Variants in ASIC2 observed in about 807,000 individuals in gnomAD.
ASIC2 encodes acid sensing ion channel subunit 2, also known as acid-sensing ion channel 2.
ASIC2 carries 25 observed loss-of-function variants against 57.3 expected under a neutral mutation model. The observed-to-expected ratio is 0.44, with a 90% CI of 0.32 to 0.61. The LOEUF (loss-of-function observed/expected upper bound fraction) is 0.61, where lower values mean the gene tolerates loss of function less well. Ranked by LOEUF, ASIC2 falls within the 20% of genes least tolerant of loss-of-function variation. The pLI is 0.06. For synonymous variants in ASIC2, 319 were observed against 307.5 expected (o/e 1.04, Z -0.39); for missense variants, 641 against 738.1 (o/e 0.87, Z 1.52).
At chr17:33,951,834 T>C (rs543662200) in intron 1 of ASIC2, among the ~76,000 whole-genome samples, 4 of 151,852 alleles carry the variant, frequency 2.6e-5, no homozygotes, top group Non-Finnish European at 5.9e-5. Context: ...CCTTAAGTTA[T>C]CCACCCGTCT....
chr17:33,409,146 C>T (rs540604104), intron 1 of ASIC2, among the ~76,000 whole-genome samples: 29 of 152,198 alleles, frequency 1.9e-4, no homozygotes, highest in Non-Finnish European at 3.2e-4. Flanking sequence ...GCCTGGGAGG[C>T]AGAGGTTGTA....
rs562083675 is a variant in ASIC2, at chr17:33,930,882, G to A, written c.555+225096C>T. ...TTACAACTCCCTTGTTTCTTTGGCT[G>A]CCTAGTGCAGATTTATTTATTTGTT... On this transcript the variant is annotated intron_variant, in intron 1 of 9. Coordinates refer to the ASIC2 transcript ENST00000359872. Among the ~76,000 whole-genome samples, 6 of 152,246 alleles carry A rather than the reference G, an allele frequency of 3.9e-5. No homozygotes were observed. The East Asian group carries it at 1.2e-3, about 29-fold the overall frequency.
In ASIC2 at chr17:33,568,256, T is replaced by C. The variant is rs139724642; in HGVS notation, c.556-456189A>G. The stretch of plus-strand genomic sequence containing the variant: ...GTGATAGCTTGTTCCCACTGGGTTA[T>C]GTCAAATTGACCAATCAATCACCAA... On this transcript the variant is annotated intron_variant, in intron 1 of 9. Transcript: ENST00000359872. 4.6e-5 allele frequency among the ~76,000 whole-genome samples: 7 copies of C among 152,340 alleles called. 1 individual carries two copies. The highest frequency in any genetic ancestry group is 2.1e-4 in the South Asian group (1 of 4,826).
At chr17:33,451,583 A>T (rs985426656) in intron 1 of ASIC2, among the ~76,000 whole-genome samples, 1 of 152,148 alleles carries the variant, frequency 6.6e-6, no homozygotes, top group Non-Finnish European at 1.5e-5. Context: ...CCAACTATCC[A>T]GTCCTGTGAA....
chr17:33,305,113 G>A (rs910523792), intron 1 of ASIC2, among the ~76,000 whole-genome samples: 1 of 152,162 alleles, frequency 6.6e-6, no homozygotes, highest in African/African-American at 2.4e-5. Flanking sequence ...AACGTGGCAG[G>A]CATGGTGCTA....
intron 1 of ASIC2, among the ~76,000 whole-genome samples, chr17:33,883,694 T>G (rs971038682): frequency 2.0e-5 from 3 of 152,142 alleles, no homozygotes; most frequent in Non-Finnish European, 4.4e-5. Flanking sequence ...AGAACAAGAC[T>G]CAAGGCTTAA....
intron 1 of ASIC2, among the ~76,000 whole-genome samples, chr17:33,145,613 T>C (rs532834794): frequency 1.2e-4 from 18 of 152,370 alleles, no homozygotes; most frequent in Non-Finnish European, 2.1e-4. Flanking sequence ...TCCTTACCTA[T>C]TTCCGTATTT....
At chr17:34,033,761 T>C (rs1597984505) in intron 1 of ASIC2, among the ~76,000 whole-genome samples, 1 of 152,128 alleles carries the variant, frequency 6.6e-6, no homozygotes, top group African/African-American at 2.4e-5. Flanking sequence ...CTAGAAAATC[T>C]AGAAGAAATG....
chr17:34,107,177 T>C (rs1911092872), intron 1 of ASIC2, among the ~76,000 whole-genome samples: 1 of 152,166 alleles, frequency 6.6e-6, no homozygotes, highest in South Asian at 2.1e-4. Context: ...TCTTTCACAA[T>C]GAGAACTTTG....
At chr17:33,892,469 C>T (rs1914990167) in intron 1 of ASIC2, among the ~76,000 whole-genome samples, 1 of 152,128 alleles carries the variant, frequency 6.6e-6, no homozygotes, top group Admixed American at 6.5e-5. Flanking sequence ...ACCTCCTCAT[C>T]AGCTTTCAAA....
At chr17:33,995,796 A>G (rs1172027893) in intron 1 of ASIC2, among the ~76,000 whole-genome samples, 1 of 152,170 alleles carries the variant, frequency 6.6e-6, no homozygotes, top group Non-Finnish European at 1.5e-5. Context: ...GCTATTGTGA[A>G]TAATGCACAA....
At chr17:33,552,175 C>A (rs1211684271) in intron 1 of ASIC2, among the ~76,000 whole-genome samples, 1 of 152,186 alleles carries the variant, frequency 6.6e-6, no homozygotes, top group Non-Finnish European at 1.5e-5. Flanking sequence ...GGGAAAGGGC[C>A]TCTGTTGAAT....
chr17:33,227,551 C>G (rs1429107658), intron 1 of ASIC2, among the ~76,000 whole-genome samples: 1 of 152,122 alleles, frequency 6.6e-6, no homozygotes, highest in African/African-American at 2.4e-5. Flanking sequence ...AAGCCAAGGA[C>G]ACCTGGATGC....
intron 1 of ASIC2, among the ~76,000 whole-genome samples, chr17:34,081,819 G>A (rs1393874311): frequency 1.3e-5 from 2 of 152,140 alleles, no homozygotes; most frequent in African/African-American, 2.4e-5. Context: ...ATAAGCCTCA[G>A]TATTTTTATA....
At chr17:33,108,611 G>A (rs72819109) in intron 2 of ASIC2, among the ~76,000 whole-genome samples, 24,674 of 152,108 alleles carry the variant, frequency 0.16, 2,164 homozygotes, top group Non-Finnish European at 0.2. Flanking sequence ...TCTCTCACCC[G>A]CATGGGACTC....
chr17:33,807,174 ACTTCCCACTGATGTGACTAAATCAGTGGT>A (rs1912292090), intron 1 of ASIC2, among the ~76,000 whole-genome samples: 1 of 152,174 alleles, frequency 6.6e-6, no homozygotes, highest in Non-Finnish European at 1.5e-5. Context: ...CTTGAGAGGT[ACTTCCCACTGATGTGACTAAATCAGTGGT>A]CGTTTGGGTA....
At chr17:33,874,726 T>A (rs1914509270) in intron 1 of ASIC2, among the ~76,000 whole-genome samples, 1 of 152,228 alleles carries the variant, frequency 6.6e-6, no homozygotes, top group African/African-American at 2.4e-5. Context: ...CTCATGCCAA[T>A]CTCTGCTGGC....
intron 1 of ASIC2, among the ~76,000 whole-genome samples, chr17:33,735,873 A>G: frequency 6.6e-6 from 1 of 151,968 alleles, no homozygotes; most frequent in East Asian, 1.9e-4. Flanking sequence ...TGGAAACTTC[A>G]CCATTCTTGT....
At chr17:33,023,489 C>CAA (rs34453291) in intron 6 of ASIC2, among the ~76,000 whole-genome samples, 5 of 124,496 alleles carry the variant, frequency 4.0e-5, no homozygotes, top group Non-Finnish European at 3.4e-5. Context: ...GGCTCCATCT[C>CAA]AAAAAAAAAA....
Sources: gnomAD v4.1 joint callset for allele counts (sites outside exome capture counted in the v4.1 genomes callset) on GRCh38, gnomAD v4.1.1 for gene constraint, MANE v1.5 for transcripts, NCBI Gene and HGNC (gene_info 2026-07-23, HGNC 2026-07-21) for gene names.